Variants in BRINP3 observed in about 807,000 individuals in gnomAD.
The protein encoded by BRINP3 is BMP/retinoic acid inducible neural specific 3, also known as BMP/retinoic acid-inducible neural-specific protein 3.
A neutral mutation model predicts 71.0 loss-of-function variants in BRINP3; 19 were observed. That is an observed-to-expected ratio of 0.27 (90% CI 0.19 to 0.39). The LOEUF (loss-of-function observed/expected upper bound fraction) is 0.39, where lower values mean the gene tolerates loss of function less well. Ranked by LOEUF, BRINP3 falls within the 10% of genes least tolerant of loss-of-function variation. The probability of loss-of-function intolerance (pLI) is 1.00; values close to 1 mark genes in which losing one functional copy is unlikely to be tolerated. For synonymous variants in BRINP3, 380 were observed against 337.7 expected, an observed-to-expected ratio of 1.13 and a Z score of -1.37; for missense variants, 959 against 940.8, an observed-to-expected ratio of 1.02 and a Z score of -0.25.
At chr1:190,238,465 A>G (rs998606919) in intron 4 of BRINP3, among the ~76,000 whole-genome samples, 1 of 152,122 alleles carries the variant, frequency 6.6e-6, no homozygotes, top group Non-Finnish European at 1.5e-5. Context: ...ACTAACAATA[A>G]TATGGCAAGA....
intron 6 of BRINP3, among the ~76,000 whole-genome samples, chr1:190,183,086 A>G (rs568914335): frequency 6.6e-5 from 10 of 152,206 alleles, no homozygotes; most frequent in Admixed American, 5.9e-4. Flanking sequence ...CTTAGCAATC[A>G]GTCTAACTTG....
chr1:190,345,327 A>G (rs1311925206), intron 2 of BRINP3, among the ~76,000 whole-genome samples: 1 of 151,752 alleles, frequency 6.6e-6, no homozygotes, highest in African/African-American at 2.4e-5. Flanking sequence ...TTAAATTCCA[A>G]TTTGCCCATG....
At chr1:190,308,502 G>A (rs186683945) in intron 2 of BRINP3, among the ~76,000 whole-genome samples, 4 of 150,704 alleles carry the variant, frequency 2.7e-5, no homozygotes, top group African/African-American at 9.7e-5. Flanking sequence ...TAGGGTGGGG[G>A]AAGGGGGGAG....
At chr1:190,403,812 TAC>T (rs1329105990) in intron 2 of BRINP3, among the ~76,000 whole-genome samples, 2 of 152,304 alleles carry the variant, frequency 1.3e-5, no homozygotes, top group East Asian at 3.9e-4. Flanking sequence ...TTCTCATCAC[TAC>T]ACACACACTG....
intron 2 of BRINP3, among the ~76,000 whole-genome samples, chr1:190,372,378 G>T (rs1316111045): frequency 6.6e-6 from 1 of 152,092 alleles, no homozygotes; most frequent in Non-Finnish European, 1.5e-5. Flanking sequence ...GTCCTTCTTT[G>T]CTTACTGAGG....
At chr1:190,473,436 T>C (rs958376153) in intron 1 of BRINP3, among the ~76,000 whole-genome samples, 3 of 151,814 alleles carry the variant, frequency 2.0e-5, no homozygotes, top group African/African-American at 7.2e-5. Context: ...ATATAAGTAC[T>C]AAAACTATTT....
At chr1:190,142,078 T>G (rs929903382) in intron 7 of BRINP3, among the ~76,000 whole-genome samples, 2 of 152,132 alleles carry the variant, frequency 1.3e-5, no homozygotes, top group African/African-American at 4.8e-5. Context: ...AAGTTGTGAT[T>G]GGCAAAAATT....
At chr1:190,399,415 A>T (rs2102348090) in intron 2 of BRINP3, among the ~76,000 whole-genome samples, 1 of 152,138 alleles carries the variant, frequency 6.6e-6, no homozygotes, top group Non-Finnish European at 1.5e-5. Flanking sequence ...TCATCAAATT[A>T]CAATGGCTTC....
At chr1:190,449,032 GTATT>G (rs1325459352) in intron 2 of BRINP3, among the ~76,000 whole-genome samples, 4 of 151,812 alleles carry the variant, frequency 2.6e-5, no homozygotes, top group African/African-American at 9.7e-5. Flanking sequence ...AGATCTCTAA[GTATT>G]TATTTATATC....
intron 7 of BRINP3, among the ~76,000 whole-genome samples, chr1:190,106,046 A>G (rs2102262449): frequency 6.6e-6 from 1 of 152,098 alleles, no homozygotes; most frequent in South Asian, 2.1e-4. Context: ...AGGTTTAAAA[A>G]GTATTATTAT....
chr1:190,242,478 A>G (rs1659197979), intron 4 of BRINP3, among the ~76,000 whole-genome samples: 1 of 152,082 alleles, frequency 6.6e-6, no homozygotes, highest in South Asian at 2.1e-4. Context: ...TCTTCACATA[A>G]AAAGCACAAA....
intron 7 of BRINP3, among the ~76,000 whole-genome samples, chr1:190,117,672 A>C (rs1653264839): frequency 6.6e-6 from 1 of 152,078 alleles, no homozygotes; most frequent in Non-Finnish European, 1.5e-5. Flanking sequence ...ATATTAACTT[A>C]CAGAATCACA....
chr1:190,243,641 A>G (rs1439791053), intron 4 of BRINP3, among the ~76,000 whole-genome samples: 1 of 152,104 alleles, frequency 6.6e-6, no homozygotes, highest in Admixed American at 6.6e-5. Context: ...GTTACAAACA[A>G]TAGGTACAGT....
chr1:190,344,435 A>T (rs1343259853), intron 2 of BRINP3, among the ~76,000 whole-genome samples: 12 of 149,798 alleles, frequency 8.0e-5, no homozygotes, highest in African/African-American at 2.9e-4. Context: ...TTGGCCATCA[A>T]CAACAGTACC....
At chr1:190,398,175 C>T (rs1301141207) in intron 2 of BRINP3, among the ~76,000 whole-genome samples, 2 of 151,834 alleles carry the variant, frequency 1.3e-5, no homozygotes, top group Non-Finnish European at 2.9e-5. Flanking sequence ...ATCATTAATG[C>T]TCCACTTAAC....
rs183388115 is a variant in BRINP3 at position 190,255,103 on chromosome 1, C to G, written c.618+9762G>C. Among the ~76,000 whole-genome samples the G allele has an allele frequency of 2.0e-5, 3 of 152,172 alleles. No individual in the cohort carries two copies. The East Asian group carries it at 5.8e-4, about 29-fold the overall frequency. On this transcript the variant is annotated intron_variant, in intron 4 of 7. Transcript: ENST00000367462. ...ATTGATTTGCATATGTCGAACCAGCCTTGCATCCCAGGGTGAAGCTGACTT... is the reference window on the plus strand; with the variant it reads ...ATTGATTTGCATATGTCGAACCAGCGTTGCATCCCAGGGTGAAGCTGACTT...
intron 2 of BRINP3, among the ~76,000 whole-genome samples, chr1:190,316,762 A>G (rs544126472): frequency 6.6e-6 from 1 of 152,248 alleles, no homozygotes; most frequent in Middle Eastern, 3.4e-3. Context: ...AGAATTGTTG[A>G]GTTTACATTA....
At chr1:190,466,705 C>A (rs1676776289) in intron 1 of BRINP3, among the ~76,000 whole-genome samples, 1 of 151,414 alleles carries the variant, frequency 6.6e-6, no homozygotes, top group African/African-American at 2.4e-5. Flanking sequence ...GTAACAATTC[C>A]ACTGTAGTTT....
At chr1:190,120,247 C>T (rs1653527501) in intron 7 of BRINP3, among the ~76,000 whole-genome samples, 1 of 152,058 alleles carries the variant, frequency 6.6e-6, no homozygotes, top group African/African-American at 2.4e-5. Context: ...TCTGTTACAA[C>T]CTTATCTCAT....
Sources: allele counts gnomAD v4.1 joint callset (sites outside exome capture counted in the v4.1 genomes callset), GRCh38; gene constraint gnomAD v4.1.1; transcripts MANE v1.5; gene names NCBI Gene and HGNC (gene_info 2026-07-23, HGNC 2026-07-21).